Variants in HS3ST3A1 observed in about 807,000 individuals in gnomAD.
HS3ST3A1 encodes the protein heparan sulfate-glucosamine 3-sulfotransferase 3A1.
In HS3ST3A1, 19 loss-of-function variants were observed where a neutral mutation model predicts 25.7. That is an observed-to-expected ratio of 0.74 (90% CI 0.52 to 1.08). The LOEUF is 1.08. Among genes scored for constraint, HS3ST3A1 ranks in the 50% least tolerant of loss-of-function variants. The pLI is 0.00. For synonymous variants in HS3ST3A1, 226 were observed against 278.6 expected (o/e 0.81, Z 1.88); for missense variants, 459 against 594.3 (o/e 0.77, Z 2.37).
chr17:13,518,893 T>C (rs1395139782), intron 1 of HS3ST3A1, among the ~76,000 whole-genome samples: 2 of 152,226 alleles, frequency 1.3e-5, no homozygotes, highest in African/African-American at 4.8e-5. Flanking sequence ...CAAGTTAGCC[T>C]GGATCAGCTA....
rs1239454525 is a variant in HS3ST3A1 at position 13,600,773 on chromosome 17, G to A, written c.357C>T (p.Gly119=). ...CGGAGCCGCCCGGACCCCCTGACAG[G>A]CCAGGGGACTCTTCTTCCCAGGCCG... ...EEAAWEEESP[G]LSGGPGGSGA... Residue 119 remains glycine (G), a synonymous_variant, in exon 1 of 2, where the codon GGC becomes GGT. Coordinates refer to ENST00000284110, the MANE Select transcript of HS3ST3A1 (RefSeq NM_006042.3). 1 of 1,483,664 alleles carries A rather than the reference G, an allele frequency of 6.7e-7. No homozygotes were observed. The highest frequency in any genetic ancestry group is 8.9e-7 in the Non-Finnish European group (1 of 1,127,070). 91.9% of individuals were successfully genotyped at this position (1,483,664 alleles called of 1,614,324 possible). A position where few individuals can be genotyped will look rare whatever the true frequency, so the allele number is the denominator to read the frequency against.
intron 1 of HS3ST3A1, among the ~76,000 whole-genome samples, chr17:13,518,985 C>G (rs1057411245): frequency 2.0e-5 from 3 of 152,074 alleles, no homozygotes; most frequent in Non-Finnish European, 4.4e-5. Flanking sequence ...ATTATTTTAG[C>G]CCTAGATAAC....
intron 1 of HS3ST3A1, among the ~76,000 whole-genome samples, chr17:13,535,330 T>G (rs1010139042): frequency 9.9e-5 from 15 of 152,178 alleles, no homozygotes; most frequent in Non-Finnish European, 1.9e-4. Context: ...GAACACTAGA[T>G]GGCAATTTGG....
At chr17:13,587,183 C>T (rs1908298886) in intron 1 of HS3ST3A1, among the ~76,000 whole-genome samples, 1 of 151,760 alleles carries the variant, frequency 6.6e-6, no homozygotes, top group South Asian at 2.1e-4. Context: ...AGGCCGGGCA[C>T]GGTGGTTCAC....
chr17:13,550,445 T>A (rs577240338), intron 1 of HS3ST3A1, among the ~76,000 whole-genome samples: 1 of 152,202 alleles, frequency 6.6e-6, no homozygotes, highest in Admixed American at 6.5e-5. Context: ...CCCCCCATGT[T>A]CTTTTCTGGT....
At chr17:13,504,088 G>A (rs745820572) in intron 1 of HS3ST3A1, among the ~76,000 whole-genome samples, 3 of 152,072 alleles carry the variant, frequency 2.0e-5, no homozygotes, top group Non-Finnish European at 4.4e-5. Flanking sequence ...GCCGCAGTGG[G>A]TGGATCATGA....
intron 1 of HS3ST3A1, among the ~76,000 whole-genome samples, chr17:13,553,557 A>G (rs1043735142): frequency 6.6e-6 from 1 of 152,214 alleles, no homozygotes; most frequent in African/African-American, 2.4e-5. Flanking sequence ...TACATTCTAA[A>G]TAAAAAATCC....
chr17:13,581,792 C>T (rs1004566035), intron 1 of HS3ST3A1, among the ~76,000 whole-genome samples: 2 of 152,102 alleles, frequency 1.3e-5, no homozygotes, highest in African/African-American at 4.8e-5. Flanking sequence ...TAAATGACCC[C>T]AAGTTCATTT....
At chr17:13,560,423 A>T (rs923408208) in intron 1 of HS3ST3A1, among the ~76,000 whole-genome samples, 7 of 151,378 alleles carry the variant, frequency 4.6e-5, no homozygotes, top group Non-Finnish European at 1.0e-4. Context: ...CTGAACTGTA[A>T]CAGAGTTAAA....
chr17:13,535,367 A>T (rs1477909370), intron 1 of HS3ST3A1, among the ~76,000 whole-genome samples: 1 of 152,228 alleles, frequency 6.6e-6, no homozygotes, highest in Non-Finnish European at 1.5e-5. Context: ...CGTTTTAAAC[A>T]GTGAAATCAA....
At chr17:13,556,949 A>G (rs1907397387) in intron 1 of HS3ST3A1, among the ~76,000 whole-genome samples, 1 of 152,160 alleles carries the variant, frequency 6.6e-6, no homozygotes, top group Non-Finnish European at 1.5e-5. Flanking sequence ...CCAGCAGAAT[A>G]TCCTCAGGAC....
At chr17:13,519,832 C>A (rs970324213) in intron 1 of HS3ST3A1, among the ~76,000 whole-genome samples, 2 of 152,104 alleles carry the variant, frequency 1.3e-5, no homozygotes, top group Non-Finnish European at 2.9e-5. Context: ...GCTCACCCCA[C>A]ATTAAGCTTC....
At chr17:13,599,056 A>T (rs201982101) in intron 1 of HS3ST3A1, among the ~76,000 whole-genome samples, 2 of 152,150 alleles carry the variant, frequency 1.3e-5, no homozygotes, top group East Asian at 3.9e-4. Context: ...CGTGTCCTTG[A>T]TGGAAAAAAC....
intron 1 of HS3ST3A1, among the ~76,000 whole-genome samples, chr17:13,527,211 T>C (rs1315013726): frequency 6.6e-6 from 1 of 152,132 alleles, no homozygotes; most frequent in Admixed American, 6.5e-5. Context: ...AAACTGATTT[T>C]TTTTCTCTCT....
At chr17:13,556,401 G>A (rs899976798) in intron 1 of HS3ST3A1, among the ~76,000 whole-genome samples, 2 of 151,972 alleles carry the variant, frequency 1.3e-5, no homozygotes, top group Non-Finnish European at 2.9e-5. Flanking sequence ...CCAGCTACTC[G>A]GGAGGCTGAG....
At chr17:13,568,403 A>G (rs1907726828) in intron 1 of HS3ST3A1, among the ~76,000 whole-genome samples, 1 of 152,168 alleles carries the variant, frequency 6.6e-6, no homozygotes, top group East Asian at 1.9e-4. Context: ...CAGAACCTGC[A>G]AGATCTCTGA....
intron 1 of HS3ST3A1, among the ~76,000 whole-genome samples, chr17:13,576,338 C>T (rs184788516): frequency 6.6e-6 from 1 of 152,340 alleles, no homozygotes; most frequent in East Asian, 1.9e-4. Flanking sequence ...AGAGTCACTC[C>T]AAGCTCACTC....
intron 1 of HS3ST3A1, among the ~76,000 whole-genome samples, chr17:13,520,791 T>C (rs368890309): frequency 6.6e-6 from 1 of 152,108 alleles, no homozygotes; most frequent in Non-Finnish European, 1.5e-5. Context: ...TTTGTATTTT[T>C]AGTAGAGATG....
At position 13,599,300 on chromosome 17, in the gene HS3ST3A1, T is replaced by C. The variant is rs534786599; in HGVS notation, c.599+1231A>G. On this transcript the variant is annotated intron_variant, in intron 1 of 1. Transcript: ENST00000284110. The stretch of plus-strand genomic sequence containing the variant: ...GTGTTTAATGTTCAAATTCTATTTT[T>C]AGGGCCAAATCTTTTCTCTCTGAGT... Among the ~76,000 whole-genome samples the C allele has an allele frequency of 8.7e-4, 132 of 152,248 alleles. 1 individual carries two copies. The highest frequency in any genetic ancestry group is 1.6e-3 in the Non-Finnish European group (107 of 68,048).
Sources: gnomAD v4.1 joint callset for allele counts (sites outside exome capture counted in the v4.1 genomes callset) on GRCh38, gnomAD v4.1.1 for gene constraint, MANE v1.5 for transcripts, NCBI Gene and HGNC (gene_info 2026-07-23, HGNC 2026-07-21) for gene names.